UBAC2: variants seen among roughly 807,000 people sequenced by gnomAD.
UBAC2 encodes UBA domain containing 2.
Under a neutral mutation model 44.0 loss-of-function variants are expected in UBAC2, and 26 were observed. The observed-to-expected ratio is 0.59, with a 90% CI of 0.43 to 0.82. The LOEUF is 0.82. UBAC2 is among the 40% of genes least tolerant of loss of function. UBAC2 has a pLI of 0.00. For synonymous variants in UBAC2, 155 were observed against 154.3 expected, an observed-to-expected ratio of 1.00 and a Z score of -0.04; for missense variants, 329 against 419.4, an observed-to-expected ratio of 0.78 and a Z score of 1.88.
intron 4 of UBAC2, chr13:99,255,466 C>T (rs2043533787): frequency 6.2e-7 from 1 of 1,614,084 alleles, no homozygotes; most frequent in Non-Finnish European, 8.5e-7. Flanking sequence ...CACGGCTTTG[C>T]ACGTGTTTTT....
At chr13:99,232,510 ATTG>A (rs751949979) in intron 1 of UBAC2, among the ~76,000 whole-genome samples, 3 of 151,152 alleles carry the variant, frequency 2.0e-5, no homozygotes, top group Non-Finnish European at 3.0e-5. Flanking sequence ...TAAGTAGTTT[ATTG>A]TTTGTAATGA....
rs543595549 is a variant in UBAC2 at position 99,374,013 on chromosome 13, A to G, written c.927+6107A>G. Among the ~76,000 whole-genome samples the G allele has an allele frequency of 2.0e-5, 3 of 152,362 alleles. No homozygotes were observed. In the East Asian group the frequency reaches 5.8e-4, roughly 29 times the overall value. On this transcript the variant is annotated intron_variant, in intron 8 of 8. Coordinates refer to ENST00000403766, the MANE Select transcript of UBAC2 (RefSeq NM_001144072.2). Reference sequence around the variant, plus strand: ...GTGCATTAATATTAATAATACATTTATAATGCATGTCAAACGACAGAATTA... The same window carrying G: ...GTGCATTAATATTAATAATACATTTGTAATGCATGTCAAACGACAGAATTA...
chr13:99,364,885 C>T (rs1019851678), intron 7 of UBAC2, among the ~76,000 whole-genome samples: 2 of 152,170 alleles, frequency 1.3e-5, no homozygotes, highest in African/African-American at 4.8e-5. Context: ...CCGTCTTTGA[C>T]TGTTGGAAAT....
chr13:99,294,982 A>G, intron 4 of UBAC2: 6 of 1,471,256 alleles, frequency 4.1e-6, no homozygotes, highest in Non-Finnish European at 5.5e-6. Flanking sequence ...AAGCTGAACA[A>G]TTATTTTGCT....
At chr13:99,276,345 C>T (rs775417048) in intron 4 of UBAC2, among the ~76,000 whole-genome samples, 31 of 152,200 alleles carry the variant, frequency 2.0e-4, no homozygotes, top group Non-Finnish European at 4.0e-4. Context: ...CTGACTGACC[C>T]GCTGTAAATT....
At chr13:99,339,013 C>T (rs951577616) in intron 6 of UBAC2, among the ~76,000 whole-genome samples, 2 of 152,092 alleles carry the variant, frequency 1.3e-5, no homozygotes, top group African/African-American at 4.8e-5. Flanking sequence ...TGTGTCTCCT[C>T]CTCCCCCCCA....
chr13:99,347,957 G>A (rs565318395), intron 7 of UBAC2, among the ~76,000 whole-genome samples: 15 of 152,028 alleles, frequency 9.9e-5, no homozygotes, highest in African/African-American at 2.9e-4. Context: ...GTAAACTCGG[G>A]ACACTATGCT....
chr13:99,276,904 G>C (rs2043890757), intron 4 of UBAC2, among the ~76,000 whole-genome samples: 1 of 152,214 alleles, frequency 6.6e-6, no homozygotes, highest in Non-Finnish European at 1.5e-5. Context: ...CAGGTGGGTA[G>C]AGTTCAGGGG....
intron 7 of UBAC2, among the ~76,000 whole-genome samples, chr13:99,348,568 G>C (rs2045028742): frequency 6.6e-6 from 1 of 152,222 alleles, no homozygotes; most frequent in African/African-American, 2.4e-5. Context: ...AGAGAGCAGA[G>C]GCCAGGACGG....
intron 1 of UBAC2, among the ~76,000 whole-genome samples, chr13:99,218,163 G>A (rs1175902525): frequency 6.6e-6 from 1 of 151,922 alleles, no homozygotes; most frequent in Non-Finnish European, 1.5e-5. Flanking sequence ...TACATTTCTT[G>A]TCTAATTAGT....
chr13:99,303,607 A>G (rs984325348), intron 4 of UBAC2, among the ~76,000 whole-genome samples: 7 of 152,206 alleles, frequency 4.6e-5, no homozygotes, highest in African/African-American at 1.2e-4. Flanking sequence ...GATTTGTAGG[A>G]TGCAGCATGT....
At chr13:99,365,750 G>A (rs1486821678) in intron 7 of UBAC2, among the ~76,000 whole-genome samples, 2 of 152,024 alleles carry the variant, frequency 1.3e-5, no homozygotes, top group African/African-American at 4.8e-5. Context: ...TAAATGCAAG[G>A]TATATATGTC....
intron 4 of UBAC2, among the ~76,000 whole-genome samples, chr13:99,260,420 G>A (rs2043642662): frequency 6.6e-6 from 1 of 152,190 alleles, no homozygotes; most frequent in African/African-American, 2.4e-5. Flanking sequence ...GAGGTTGGGG[G>A]AGGAATGGAT....
intron 8 of UBAC2, among the ~76,000 whole-genome samples, chr13:99,380,500 G>C (rs1467841266): frequency 1.3e-5 from 2 of 152,156 alleles, no homozygotes; most frequent in Admixed American, 1.3e-4. Flanking sequence ...CTGTCTATAT[G>C]GTGAACCTCT....
chr13:99,303,959 C>CT (rs2044293361), intron 4 of UBAC2, among the ~76,000 whole-genome samples: 1 of 152,194 alleles, frequency 6.6e-6, no homozygotes, highest in Non-Finnish European at 1.5e-5. Flanking sequence ...GCCTTGTGCT[C>CT]TGCTGCACAT....
chr13:99,208,322 A>G (rs1021038455), intron 1 of UBAC2, among the ~76,000 whole-genome samples: 1 of 152,084 alleles, frequency 6.6e-6, no homozygotes, highest in African/African-American at 2.4e-5. Flanking sequence ...AAATACACTC[A>G]GTTGGGGAGC....
intron 8 of UBAC2, among the ~76,000 whole-genome samples, chr13:99,382,167 A>G (rs1168170742): frequency 6.6e-6 from 1 of 152,250 alleles, no homozygotes; most frequent in Non-Finnish European, 1.5e-5. Context: ...GAGGTTTACT[A>G]ATCAAATTTA....
chr13:99,238,365 G>A (rs1351800684), intron 1 of UBAC2, 62 bp from the exon 2 acceptor site: 14 of 1,558,122 alleles, frequency 9.0e-6, no homozygotes, highest in South Asian at 2.3e-5. Flanking sequence ...TGCTTTTCAC[G>A]CATGTGGTTT....
intron 8 of UBAC2, among the ~76,000 whole-genome samples, chr13:99,378,862 T>C (rs13378347): frequency 0.015 from 2,293 of 152,358 alleles, 74 homozygotes; most frequent in East Asian, 0.073. Flanking sequence ...TTTATATTTA[T>C]CCTTCATTGA....
Sources: gnomAD v4.1 joint callset for allele counts (sites outside exome capture counted in the v4.1 genomes callset) on GRCh38, gnomAD v4.1.1 for gene constraint, MANE v1.5 for transcripts, NCBI Gene and HGNC (gene_info 2026-07-23, HGNC 2026-07-21) for gene names.